Variants in ERLIN1 observed in about 807,000 individuals in gnomAD.
The protein encoded by ERLIN1 is erlin-1.
In ERLIN1, 24 loss-of-function variants were observed where a neutral mutation model predicts 46.9. The ratio of observed to expected loss-of-function variants is 0.51; its 90% CI spans 0.37 to 0.72. The LOEUF is 0.72. Among genes scored for constraint, ERLIN1 ranks in the 30% least tolerant of loss-of-function variants. ERLIN1 has a pLI of 0.00. For synonymous variants in ERLIN1, 158 were observed against 143.2 expected (o/e 1.10, Z -0.74); for missense variants, 293 against 417.9 (o/e 0.70, Z 2.61).
At chr10:100,170,507 G>A (rs776640116) in intron 6 of ERLIN1, among the ~76,000 whole-genome samples, 2 of 152,190 alleles carry the variant, frequency 1.3e-5, no homozygotes, top group Non-Finnish European at 2.9e-5. Flanking sequence ...TCTGGCTGTT[G>A]TGCAGAAAAT....
At chr10:100,183,677 T>C in intron 2 of ERLIN1, 79 bp downstream of exon 2, 1 of 902,250 alleles carries the variant, frequency 1.1e-6, no homozygotes. Flanking sequence ...AATAAGGAAA[T>C]CTATCTCCAC....
At chr10:100,165,596 T>C (rs56677541) in intron 7 of ERLIN1, among the ~76,000 whole-genome samples, 3,376 of 152,010 alleles carry the variant, frequency 0.022, 78 homozygotes, top group African/African-American at 0.059. Context: ...TTGTGTTAGC[T>C]AGGATGGTCT....
At chr10:100,185,493 C>T (rs1052860695) in intron 1 of ERLIN1, 21 bp downstream of exon 1, 2 of 1,568,974 alleles carry the variant, frequency 1.3e-6, no homozygotes, top group East Asian at 2.2e-5. Flanking sequence ...AGAGCCCTAA[C>T]TGACTGCACA....
chr10:100,162,701 CAAAA>C (rs1291928289), intron 8 of ERLIN1, among the ~76,000 whole-genome samples: 1 of 152,028 alleles, frequency 6.6e-6, no homozygotes, highest in Admixed American at 6.6e-5. Context: ...AATTAAAAAA[CAAAA>C]ACATAAATAT....
At chr10:100,159,541 T>C (rs1229574959) in intron 8 of ERLIN1, among the ~76,000 whole-genome samples, 1 of 152,094 alleles carries the variant, frequency 6.6e-6, no homozygotes, top group African/African-American at 2.4e-5. Flanking sequence ...CAATTTTCAA[T>C]AAATATTTAA....
At chr10:100,178,552 C>T (rs1409709927) in intron 3 of ERLIN1, among the ~76,000 whole-genome samples, 1 of 152,238 alleles carries the variant, frequency 6.6e-6, no homozygotes, top group Non-Finnish European at 1.5e-5. Flanking sequence ...CCAGCAGTAT[C>T]AGCATCACCC....
intron 7 of ERLIN1, among the ~76,000 whole-genome samples, chr10:100,164,832 G>T (rs1422996844): frequency 6.6e-6 from 1 of 151,672 alleles, no homozygotes; most frequent in East Asian, 1.9e-4. Context: ...GTTACCTTCA[G>T]GCTATAGGTG....
chr10:100,161,363 T>A (rs547694862), intron 8 of ERLIN1, among the ~76,000 whole-genome samples: 3 of 152,200 alleles, frequency 2.0e-5, no homozygotes, highest in Non-Finnish European at 4.4e-5. Context: ...AATAAAGGTA[T>A]ATAAGAACAA....
In ERLIN1 at chr10:100,151,616, T is replaced by G; in HGVS notation, c.*515A>C. ...GTTGCTCAAGTGGAAGATCATTTCCTGGGGAACTTCAGCGGCCTGGATCTT... is the reference window on the plus strand; with the variant it reads ...GTTGCTCAAGTGGAAGATCATTTCCGGGGGAACTTCAGCGGCCTGGATCTT... On this transcript the variant is annotated 3_prime_UTR_variant, in exon 11 of 11. Transcript: ENST00000421367. 5.4e-6 allele frequency: 1 copy of G among 185,336 alleles called. No homozygotes were observed. Among genetic ancestry groups the G allele is most frequent in the South Asian group, 1.1e-4 (1 of 9,180 alleles). 11.5% of individuals were successfully genotyped at this position (185,336 alleles called of 1,614,324 possible).
intron 5 of ERLIN1, 132 bp from the exon 6 acceptor site, chr10:100,174,413 G>A: frequency 1.6e-6 from 1 of 623,604 alleles, no homozygotes; most frequent in Non-Finnish European, 2.8e-6. Flanking sequence ...AGCTTAAACT[G>A]CCTTTTCTTC....
intron 6 of ERLIN1, among the ~76,000 whole-genome samples, chr10:100,173,680 T>C (rs919870606): frequency 6.6e-6 from 1 of 152,156 alleles, no homozygotes; most frequent in African/African-American, 2.4e-5. Flanking sequence ...CCTTTCTCAT[T>C]CTTCCCCCAT....
At position 100,150,453 on chromosome 10, in the gene ERLIN1, T is replaced by C. The variant is rs191824179; in HGVS notation, c.*1678A>G. 6.6e-6 allele frequency: 1 copy of C among 151,792 alleles called. No individual in the cohort carries two copies. The highest frequency in any genetic ancestry group is 1.9e-4 in the East Asian group (1 of 5,192). 9.4% of individuals were successfully genotyped at this position (151,792 alleles called of 1,614,324 possible). On this transcript the variant is annotated 3_prime_UTR_variant, in exon 11 of 11. Coordinates refer to ENST00000421367, the MANE Select transcript of ERLIN1 (RefSeq NM_006459.4). ...GCAGCAACAATTCGACAGGTAAAGA[T>C]TTTATTTTTATAATTCAAAAGTTCT... is the stretch of plus-strand genomic sequence containing the variant.
chr10:100,164,679 G>A (rs1031121393), intron 7 of ERLIN1, among the ~76,000 whole-genome samples: 12 of 152,292 alleles, frequency 7.9e-5, no homozygotes, highest in Admixed American at 7.8e-4. Context: ...GAGCATTTCT[G>A]ATCTGAAAAT....
At chr10:100,173,553 A>C (rs1016356429) in intron 6 of ERLIN1, among the ~76,000 whole-genome samples, 7 of 151,946 alleles carry the variant, frequency 4.6e-5, no homozygotes, top group African/African-American at 1.4e-4. Context: ...ACAGTGACCC[A>C]AAAAAAAGCA....
intron 2 of ERLIN1, among the ~76,000 whole-genome samples, chr10:100,182,072 T>C (rs915945186): frequency 6.6e-6 from 1 of 152,154 alleles, no homozygotes; most frequent in Non-Finnish European, 1.5e-5. Context: ...AAAATCTGTT[T>C]ACTATTATCT....
At chr10:100,171,785 A>C (rs1483221959) in intron 6 of ERLIN1, among the ~76,000 whole-genome samples, 1 of 152,218 alleles carries the variant, frequency 6.6e-6, no homozygotes, top group Non-Finnish European at 1.5e-5. Context: ...TTATAAATGA[A>C]ATAAAAACAG....
chr10:100,185,705 C>G lies in ERLIN1; in HGVS notation c.-79G>C. 1 of 1,188,442 alleles carries G rather than the reference C, an allele frequency of 8.4e-7. No individual in the cohort carries two copies. Among genetic ancestry groups the G allele is most frequent in the Non-Finnish European group, 1.2e-6 (1 of 801,996 alleles). The allele number at this position is 1,188,442 out of a possible 1,614,324, so 73.6% of individuals were successfully genotyped here. A position where few individuals can be genotyped will look rare whatever the true frequency, so the allele number is the denominator to read the frequency against. On this transcript the variant is annotated 5_prime_UTR_variant, in exon 1 of 11. Transcript: ENST00000421367. Reference sequence around the variant, plus strand: ...GTCCACCCCCTCCAGTTTCTACCCTCTCCCTCCGGAAACTTGGCGCTCTCT... The same window carrying G: ...GTCCACCCCCTCCAGTTTCTACCCTGTCCCTCCGGAAACTTGGCGCTCTCT...
chr10:100,157,681 T>C (rs967292914), intron 8 of ERLIN1, among the ~76,000 whole-genome samples: 3 of 152,176 alleles, frequency 2.0e-5, no homozygotes, highest in African/African-American at 7.2e-5. Context: ...AAAACTAAAC[T>C]ACTATGTTCA....
At chr10:100,155,293 C>T (rs1028915400) in intron 9 of ERLIN1, among the ~76,000 whole-genome samples, 4 of 148,534 alleles carry the variant, frequency 2.7e-5, no homozygotes, top group African/African-American at 7.4e-5. Context: ...TTGTCTCCAG[C>T]CCCCCCCCAA....
Sources: allele counts gnomAD v4.1 joint callset (sites outside exome capture counted in the v4.1 genomes callset), GRCh38; gene constraint gnomAD v4.1.1; transcripts MANE v1.5; gene names NCBI Gene and HGNC (gene_info 2026-07-23, HGNC 2026-07-21).